The following FRS2 variants were observed in gnomAD, a reference collection of about 807,000 sequenced individuals.
The protein encoded by FRS2 is fibroblast growth factor receptor substrate 2.
A neutral mutation model predicts 43.9 loss-of-function variants in FRS2; 8 were observed. That is an observed-to-expected ratio of 0.18 (90% CI 0.11 to 0.33). The LOEUF is 0.33. Among genes scored for constraint, FRS2 ranks in the 10% least tolerant of loss-of-function variants. The pLI is 1.00. For missense variants in FRS2, 534 were observed against 627.6 expected, an observed-to-expected ratio of 0.85 and a Z score of 1.59; for synonymous variants, 219 against 220.3, an observed-to-expected ratio of 0.99 and a Z score of 0.05.
chr12:69,539,686 A>G (rs1194507667), intron 3 of FRS2, among the ~76,000 whole-genome samples: 1 of 152,070 alleles, frequency 6.6e-6, no homozygotes, highest in Admixed American at 6.5e-5. Context: ...ATCTAGGACT[A>G]GGGCAAGAAA....
Position 69,574,121 on chromosome 12 carries a change from A to G in FRS2, c.693A>G (p.Glu231=). Residue 231 remains glutamate, a synonymous_variant, in exon 9 of 9, where the codon GAA becomes GAG. Coordinates refer to ENST00000549921, the MANE Select transcript of FRS2 (RefSeq NM_001278356.2). ...CTGAAAGCAGCACACCAAAAGAAGA[A>G]CCAAGTAGTATTGAGGACAGGGATC... ...SNAESSTPKE[E]PSSIEDRDPQ... 1 of 1,614,164 alleles carries G rather than the reference A, an allele frequency of 6.2e-7. No homozygotes were observed. The highest frequency in any genetic ancestry group is 8.5e-7 in the Non-Finnish European group (1 of 1,179,956).
At chr12:69,535,292 T>C (rs1877165541) in intron 3 of FRS2, among the ~76,000 whole-genome samples, 1 of 152,196 alleles carries the variant, frequency 6.6e-6, no homozygotes, top group Admixed American at 6.5e-5. Flanking sequence ...TGAAATGAGA[T>C]CTAGATACAG....
intron 1 of FRS2, among the ~76,000 whole-genome samples, chr12:69,525,152 TGA>T (rs2135632827): frequency 6.6e-6 from 1 of 152,032 alleles, no homozygotes; most frequent in South Asian, 2.1e-4. Context: ...GTTTTTACCT[TGA>T]TGCTCTAAAT....
intron 8 of FRS2, 120 bp from the exon 9 acceptor site, chr12:69,573,885 A>C: frequency 1.6e-6 from 1 of 624,970 alleles, no homozygotes; most frequent in South Asian, 2.3e-5. Context: ...GTAAGAGTAC[A>C]TTTGGAGAGA....
At chr12:69,502,403 T>A (rs1446115480) in intron 1 of FRS2, among the ~76,000 whole-genome samples, 3 of 150,410 alleles carry the variant, frequency 2.0e-5, no homozygotes, top group Non-Finnish European at 4.4e-5. Context: ...TAATTTTTAA[T>A]TTTTTTTTTA....
At chr12:69,539,933 C>T (rs995015799) in intron 3 of FRS2, among the ~76,000 whole-genome samples, 19 of 151,778 alleles carry the variant, frequency 1.3e-4, no homozygotes, top group Non-Finnish European at 2.1e-4. Context: ...CCAGCCTGGG[C>T]GACAGTGCGG....
At position 69,578,711 on chromosome 12, in the gene FRS2, G is replaced by T. The variant is rs1378716029; in HGVS notation, c.*3756G>T. The T allele has an allele frequency of 6.6e-6, 1 of 152,518 alleles. No homozygotes were observed. The highest frequency in any genetic ancestry group is 2.1e-4 in the South Asian group (1 of 4,824). 9.4% of individuals were successfully genotyped at this position (152,518 alleles called of 1,614,324 possible). A position where few individuals can be genotyped will look rare whatever the true frequency, so the allele number is the denominator to read the frequency against. On this transcript the variant is annotated 3_prime_UTR_variant, in exon 9 of 9. Transcript: ENST00000549921. The stretch of plus-strand genomic sequence containing the variant: ...TATTTTCATTACATTGTATAATATT[G>T]TAAGACTATTGTATGTCCTAATTTG...
At chr12:69,538,864 C>T in intron 3 of FRS2, among the ~76,000 whole-genome samples, 1 of 152,102 alleles carries the variant, frequency 6.6e-6, no homozygotes, top group East Asian at 1.9e-4. Flanking sequence ...GTAGTCTATT[C>T]TCCATGAGTT....
chr12:69,568,391 A>AT (rs1410457813), intron 4 of FRS2, among the ~76,000 whole-genome samples: 1 of 152,132 alleles, frequency 6.6e-6, no homozygotes, highest in African/African-American at 2.4e-5. Flanking sequence ...CCCTTTGGTG[A>AT]TTTTTTATTT....
chr12:69,571,416 A>G lies in FRS2; in HGVS notation c.394A>G (p.Thr132Ala), dbSNP rs777868123. 9.9e-6 allele frequency: 16 copies of G among 1,611,990 alleles called. No homozygotes were observed. The highest frequency in any genetic ancestry group is 1.4e-5 in the Non-Finnish European group (16 of 1,179,028). ...NHQTELEVPR[T>A]PRTPTTPGFA... The stretch of plus-strand genomic sequence containing the variant: ...TCAGACAGAATTGGAAGTCCCTAGA[A>G]CACCTCGAACACCTACAAGTAAGTA... Residue 132 changes from threonine to alanine, a missense_variant, in exon 7 of 9, where the codon ACA (threonine) becomes GCA (alanine). Thr to Ala is a moderately conservative substitution (Grantham distance 58). This residue lies in a region of FRS2 where 446 missense variants were observed against 494.2 expected (regional missense o/e 0.90). Transcript: ENST00000549921.
intron 4 of FRS2, among the ~76,000 whole-genome samples, chr12:69,564,543 C>T (rs1880126468): frequency 1.3e-5 from 2 of 152,102 alleles, no homozygotes; most frequent in South Asian, 4.2e-4. Context: ...ACCCCTGGCA[C>T]CCTTTGTCTG....
At chr12:69,537,453 A>C (rs958395163) in intron 3 of FRS2, among the ~76,000 whole-genome samples, 4 of 152,216 alleles carry the variant, frequency 2.6e-5, no homozygotes, top group African/African-American at 9.6e-5. Flanking sequence ...CATTCTTGAA[A>C]GGTAGTTTCT....
intron 3 of FRS2, among the ~76,000 whole-genome samples, chr12:69,561,041 C>T (rs1339134444): frequency 6.6e-6 from 1 of 152,042 alleles, no homozygotes; most frequent in Non-Finnish European, 1.5e-5. Context: ...CCAAAGTCCC[C>T]TAGAATACAT....
intron 1 of FRS2, among the ~76,000 whole-genome samples, chr12:69,490,285 T>A (rs1301605769): frequency 1.3e-5 from 2 of 152,168 alleles, no homozygotes; most frequent in Non-Finnish European, 2.9e-5. Flanking sequence ...ATAGCAACAT[T>A]TAAAAATTAG....
intron 1 of FRS2, among the ~76,000 whole-genome samples, chr12:69,474,957 T>G (rs1326709972): frequency 6.6e-6 from 1 of 152,258 alleles, no homozygotes; most frequent in African/African-American, 2.4e-5. Context: ...GTTCTTTTGA[T>G]TAACATGATT....
chr12:69,493,460 C>G (rs906870859), intron 1 of FRS2, among the ~76,000 whole-genome samples: 1 of 152,238 alleles, frequency 6.6e-6, no homozygotes, highest in Non-Finnish European at 1.5e-5. Context: ...ATGGCTCACG[C>G]CTGTGATCCC....
chr12:69,574,192 C>T lies in FRS2; in HGVS notation c.764C>T (p.Pro255Leu). The stretch of plus-strand genomic sequence containing the variant: ...GAAGGAGTCAAATTTGTTTTAGGGC[C>T]AACCCCTGTTCAAAAGCAGTTAATG... ...EPEGVKFVLGPTPVQKQLMEK... is the reference protein window; with the variant it reads ...EPEGVKFVLGLTPVQKQLMEK... The change falls in exon 9 of 9, where the codon CCA (proline) becomes CTA (leucine). Residue 255 changes from proline (P) to leucine (L), a missense_variant. By Grantham distance (98) the Pro-to-Leu change is moderately conservative. This residue lies in a region of FRS2 where 446 missense variants were observed against 494.2 expected (regional missense o/e 0.90). Coordinates refer to ENST00000549921, the MANE Select transcript of FRS2 (RefSeq NM_001278356.2). 1.9e-6 allele frequency: 3 copies of T among 1,614,174 alleles called. No homozygotes were observed. Among genetic ancestry groups the T allele is most frequent in the Non-Finnish European group, 2.5e-6 (3 of 1,180,032 alleles).
intron 1 of FRS2, among the ~76,000 whole-genome samples, chr12:69,514,975 T>C (rs1264374090): frequency 6.6e-6 from 1 of 152,176 alleles, no homozygotes; most frequent in Non-Finnish European, 1.5e-5. Flanking sequence ...TCAGATAAAA[T>C]GTGAAGCCCT....
At chr12:69,558,730 G>A (rs551565) in intron 3 of FRS2, among the ~76,000 whole-genome samples, 119,522 of 152,042 alleles carry the variant, frequency 0.79, 47,982 homozygotes, top group African/African-American at 0.94. Flanking sequence ...TGGGTCTGCA[G>A]TTCTGCCACA....
Sources: allele counts gnomAD v4.1 joint callset (sites outside exome capture counted in the v4.1 genomes callset), GRCh38; gene constraint gnomAD v4.1.1; regional missense constraint gnomAD v4.1.1; transcripts MANE v1.5; gene names NCBI Gene and HGNC (gene_info 2026-07-23, HGNC 2026-07-21).